Variants in CFAP44 observed in about 807,000 individuals in gnomAD.
The protein encoded by CFAP44 is cilia and flagella associated protein 44.
Under a neutral mutation model 216.2 loss-of-function variants are expected in CFAP44, and 134 were observed. That is an observed-to-expected ratio of 0.62 (90% confidence interval 0.54 to 0.72). CFAP44 has a LOEUF of 0.72. CFAP44 is among the 30% of genes least tolerant of loss of function. The probability of loss-of-function intolerance (pLI) is 0.00; values close to 1 mark genes in which losing one functional copy is unlikely to be tolerated. For synonymous variants in CFAP44, 700 were observed against 727.6 expected (o/e 0.96, Z 0.61); for missense variants, 2,035 against 2,182.1 (o/e 0.93, Z 1.34).
In CFAP44 at chr3:113,390,160, G is replaced by C. The variant is rs146905592; in HGVS notation, c.1890+5590C>G. 2.0e-5 allele frequency among the ~76,000 whole-genome samples: 3 copies of C among 152,204 alleles called. No homozygotes were observed. In the East Asian group the frequency reaches 5.8e-4, roughly 29 times the overall value. On this transcript the variant is annotated intron_variant, in intron 15 of 34. Transcript: ENST00000393845. ...AAGATCATTCATCATGGCCAAGTGG[G>C]AATTATCCCAGGGATGCAAGGATGG...
intron 23 of CFAP44, among the ~76,000 whole-genome samples, chr3:113,343,635 A>G (rs540878427): frequency 2.0e-5 from 3 of 152,312 alleles, no homozygotes; most frequent in African/African-American, 7.2e-5. Context: ...TCACTCTGGC[A>G]GGAGCCTGGG....
intron 1 of CFAP44, among the ~76,000 whole-genome samples, chr3:113,436,102 T>C (rs1016015073): frequency 6.6e-6 from 1 of 152,184 alleles, no homozygotes; most frequent in Admixed American, 6.6e-5. Context: ...CTTTTAGTTA[T>C]CCACATCTCA....
Position 113,326,464 on chromosome 3 carries a change from T to C in CFAP44, c.4497A>G (p.Lys1499=), listed in dbSNP as rs1950190480. 6.6e-7 allele frequency: 1 copy of C among 1,504,054 alleles called. No individual in the cohort carries two copies. Among genetic ancestry groups the C allele is most frequent in the Non-Finnish European group, 8.8e-7 (1 of 1,136,344 alleles). 93.2% of individuals were successfully genotyped at this position (1,504,054 alleles called of 1,614,324 possible). A position where few individuals can be genotyped will look rare whatever the true frequency, so the allele number is the denominator to read the frequency against. Residue 1499 remains lysine, a synonymous_variant, in exon 28 of 35, where the codon AAA becomes AAG. Coordinates refer to ENST00000393845, the MANE Select transcript of CFAP44 (RefSeq NM_001164496.2). Reference sequence around the variant, plus strand: ...ACAAACCAGCATCTCCTTCAACTTCTTTTTTCTTTACCCGTTTAATCTTCT... The same window carrying C: ...ACAAACCAGCATCTCCTTCAACTTCCTTTTTCTTTACCCGTTTAATCTTCT... ...LKKKIKRVKK[K]EVEGDADEDE...
Position 113,344,561 on chromosome 3 carries a change from A to G in CFAP44, c.3217T>C (p.Phe1073Leu), listed in dbSNP as rs1000738498. The change falls in exon 23 of 35, where the codon TTT (phenylalanine) becomes CTT (leucine). Residue 1073 changes from phenylalanine to leucine, a missense_variant. Phe to Leu is a conservative substitution (Grantham distance 22). Around this residue, in one of 3 missense-constraint regions of CFAP44, gnomAD observed 1,883 missense variants for 2,023.7 expected, o/e 0.93. Transcript: ENST00000393845. ...SERKPSKLDR[F>L]EKEGPGRKDS... The stretch of plus-strand genomic sequence containing the variant: ...TTTCTTCCAGGTCCCTCTTTTTCAA[A>G]CCTGTCCAATTTGCTTGGTTTTCTC... 1 of 1,536,888 alleles carries G rather than the reference A, an allele frequency of 6.5e-7. No homozygotes were observed. The highest frequency in any genetic ancestry group is 8.7e-7 in the Non-Finnish European group (1 of 1,146,834).
rs1401548499 is a variant in CFAP44 at position 113,358,813 on chromosome 3, T to A, written c.2997A>T (p.Gln999His). The A allele has an allele frequency of 2.6e-6, 4 of 1,536,904 alleles. No individual in the cohort carries two copies. The highest frequency in any genetic ancestry group is 2.6e-6 in the Non-Finnish European group (3 of 1,146,622). Residue 999 changes from glutamine (Q) to histidine (H), a missense_variant, in exon 22 of 35, where the codon CAA (glutamine) becomes CAT (histidine). Physicochemically the swap from Gln to His is conservative, Grantham distance 24. Around this residue, in one of 3 missense-constraint regions of CFAP44, gnomAD observed 1,883 missense variants for 2,023.7 expected, o/e 0.93. Transcript: ENST00000393845. ...CCCAAGCTAATTCCTTTTCCACTTG[T>A]TGAATTTTGAAAGCTGTTTTTCTGT... ...EMHRKTAFKI[Q>H]QVEKELAWEK... is the part of the protein sequence containing the mutation.
intron 18 of CFAP44, among the ~76,000 whole-genome samples, chr3:113,371,296 A>G (rs1301921058): frequency 2.0e-5 from 3 of 152,236 alleles, no homozygotes; most frequent in Non-Finnish European, 4.4e-5. Flanking sequence ...AAAAGAACAA[A>G]GCTGGAGGCA....
At chr3:113,411,763 C>T (rs1934482407) in intron 6 of CFAP44, among the ~76,000 whole-genome samples, 1 of 152,150 alleles carries the variant, frequency 6.6e-6, no homozygotes, top group Admixed American at 6.5e-5. Context: ...ATTGATTCTT[C>T]CTATCCATGA....
At chr3:113,426,337 C>G in intron 3 of CFAP44, 60 bp from the exon 4 acceptor site, 2 of 1,561,972 alleles carry the variant, frequency 1.3e-6, no homozygotes, top group East Asian at 2.3e-5. Context: ...CCACCCAAAT[C>G]TCAACTTGAA....
chr3:113,297,189 T>A (rs1189472566), intron 32 of CFAP44, among the ~76,000 whole-genome samples: 1 of 152,040 alleles, frequency 6.6e-6, no homozygotes, highest in Non-Finnish European at 1.5e-5. Context: ...CTTGTCAGTT[T>A]TTTCAAATAT....
chr3:113,326,376 C>T (rs1950189701), intron 28 of CFAP44, 69 bp downstream of exon 28: 2 of 1,355,012 alleles, frequency 1.5e-6, no homozygotes, highest in Non-Finnish European at 1.9e-6. Flanking sequence ...TCTAATAGGT[C>T]CCTTAGTTAC....
At chr3:113,304,762 T>G (rs1385813442) in intron 31 of CFAP44, among the ~76,000 whole-genome samples, 1 of 152,190 alleles carries the variant, frequency 6.6e-6, no homozygotes, top group East Asian at 1.9e-4. Flanking sequence ...TCTGAGCCAT[T>G]GCATTCTTAA....
chr3:113,367,021 A>G (rs532584337), intron 18 of CFAP44, among the ~76,000 whole-genome samples: 5 of 152,234 alleles, frequency 3.3e-5, no homozygotes, highest in Non-Finnish European at 7.3e-5. Flanking sequence ...GGTGTCTGCC[A>G]TTACTGAGGC....
chr3:113,336,655 T>C (rs1246878582), intron 24 of CFAP44, among the ~76,000 whole-genome samples: 1 of 151,770 alleles, frequency 6.6e-6, no homozygotes, highest in East Asian at 1.9e-4. Flanking sequence ...ATCCAAAAAA[T>C]AGAACAAACA....
intron 1 of CFAP44, among the ~76,000 whole-genome samples, chr3:113,441,186 C>T (rs1045429845): frequency 6.6e-6 from 1 of 152,230 alleles, no homozygotes; most frequent in South Asian, 2.1e-4. Context: ...TCTGACTTGG[C>T]CGGGTCTAAG....
In CFAP44 at chr3:113,377,085, C is replaced by T. The variant is rs186122233; in HGVS notation, c.2298+2221G>A. Among the ~76,000 whole-genome samples the T allele has an allele frequency of 2.6e-5, 4 of 152,236 alleles. No homozygotes were observed. The East Asian group carries it at 5.8e-4, about 22-fold the overall frequency. On this transcript the variant is annotated intron_variant, in intron 17 of 34. Coordinates refer to ENST00000393845, the MANE Select transcript of CFAP44 (RefSeq NM_001164496.2). Reference sequence around the variant, plus strand: ...TAATTGAGACAAGAAAAGGAAATTCCATCTGCTTTTATTTTTTTCTGTGAA... The same window carrying T: ...TAATTGAGACAAGAAAAGGAAATTCTATCTGCTTTTATTTTTTTCTGTGAA...
chr3:113,360,252 C>G (rs1322332495), intron 21 of CFAP44: 2 of 167,834 alleles, frequency 1.2e-5, no homozygotes, highest in African/African-American at 2.5e-5. Flanking sequence ...GCTCTTCACT[C>G]TTAGACATGG....
intron 18 of CFAP44, among the ~76,000 whole-genome samples, chr3:113,368,161 A>G (rs866851500): frequency 6.6e-6 from 1 of 152,174 alleles, no homozygotes; most frequent in South Asian, 2.1e-4. Flanking sequence ...GTTAGAAAAC[A>G]CTCTTCAGGA....
At chr3:113,372,548 G>A (rs1933203490) in intron 18 of CFAP44, among the ~76,000 whole-genome samples, 1 of 152,128 alleles carries the variant, frequency 6.6e-6, no homozygotes, top group Admixed American at 6.6e-5. Context: ...ATGGACACAG[G>A]GTAGGGAACA....
chr3:113,423,567 T>C (rs1934879594), intron 4 of CFAP44, among the ~76,000 whole-genome samples: 1 of 152,242 alleles, frequency 6.6e-6, no homozygotes, highest in African/African-American at 2.4e-5. Flanking sequence ...GGCTTGCCTC[T>C]TCTTAAATTC....
Sources: allele counts gnomAD v4.1 joint callset (sites outside exome capture counted in the v4.1 genomes callset), GRCh38; gene constraint gnomAD v4.1.1; regional missense constraint gnomAD v4.1.1; transcripts MANE v1.5; gene names NCBI Gene and HGNC (gene_info 2026-07-23, HGNC 2026-07-21).